The following PLCH1 variants were observed in gnomAD, a reference collection of about 807,000 sequenced individuals.
PLCH1 encodes the protein 1-phosphatidylinositol 4,5-bisphosphate phosphodiesterase eta-1.
Under a neutral mutation model 126.7 loss-of-function variants are expected in PLCH1, and 60 were observed. The observed-to-expected ratio is 0.47, with a 90% CI of 0.38 to 0.59. The LOEUF is 0.59. Ranked by LOEUF, PLCH1 falls within the 20% of genes least tolerant of loss-of-function variation. The probability of loss-of-function intolerance (pLI) is 0.00; values close to 1 mark genes in which losing one functional copy is unlikely to be tolerated. For missense variants in PLCH1, 1,723 were observed against 2,040.0 expected (o/e 0.84, Z 2.99); for synonymous variants, 719 against 734.9 (o/e 0.98, Z 0.35).
intron 2 of PLCH1, among the ~76,000 whole-genome samples, chr3:155,606,509 A>G (rs757857376): frequency 6.6e-6 from 1 of 152,242 alleles, no homozygotes; most frequent in Non-Finnish European, 1.5e-5. Flanking sequence ...ATATACTTTT[A>G]GAGATATAGT....
At chr3:155,616,186 TA>T (rs1468341513) in intron 2 of PLCH1, among the ~76,000 whole-genome samples, 1 of 152,174 alleles carries the variant, frequency 6.6e-6, no homozygotes, top group Non-Finnish European at 1.5e-5. Context: ...ACACTAAAAA[TA>T]AAAATCATGC....
intron 12 of PLCH1, among the ~76,000 whole-genome samples, chr3:155,511,886 C>T (rs377058922): frequency 5.3e-5 from 8 of 152,222 alleles, no homozygotes; most frequent in South Asian, 2.1e-4. Flanking sequence ...CCACCCAGTT[C>T]GAGCTTCCAG....
chr3:155,460,832 A>AGATG (rs1560028449), intron 21 of PLCH1, among the ~76,000 whole-genome samples: 1 of 150,356 alleles, frequency 6.7e-6, no homozygotes, highest in East Asian at 2.0e-4. Flanking sequence ...ATAGATAGAT[A>AGATG]GATAGATAGA....
At chr3:155,701,654 C>T (rs1240645156) in intron 2 of PLCH1, among the ~76,000 whole-genome samples, 1 of 152,022 alleles carries the variant, frequency 6.6e-6, no homozygotes, top group African/African-American at 2.4e-5. Context: ...TTCAAGAAGC[C>T]CAAGAGAAAT....
chr3:155,744,019 A>T (rs377284558), intron 1 of PLCH1, among the ~76,000 whole-genome samples: 3 of 150,152 alleles, frequency 2.0e-5, no homozygotes, highest in African/African-American at 4.9e-5. Context: ...TTTTTTTTTT[A>T]ATTTAGTTGG....
chr3:155,502,614 A>C lies in PLCH1; in HGVS notation c.1705-1820T>G, dbSNP rs143477416. 2.8e-3 allele frequency among the ~76,000 whole-genome samples: 420 copies of C among 152,364 alleles called. 1 individual carries two copies. Among genetic ancestry groups the C allele is most frequent in the South Asian group, 0.015 (72 of 4,830 alleles). ...TAAAATGCAAAAATTAGAAATAAGA[A>C]ATGAATCACCAATGACAGATAACAT... On this transcript the variant is annotated intron_variant, in intron 13 of 22. Transcript: ENST00000460012.
intron 8 of PLCH1, among the ~76,000 whole-genome samples, chr3:155,562,968 G>A (rs1727831465): frequency 6.6e-6 from 1 of 152,060 alleles, no homozygotes; most frequent in Non-Finnish European, 1.5e-5. Context: ...ACATAGCAAA[G>A]GCCACCAACA....
intron 2 of PLCH1, chr3:155,658,669 A>T (rs915333447): frequency 6.6e-6 from 1 of 152,232 alleles, no homozygotes; most frequent in Non-Finnish European, 1.5e-5. Context: ...AATATTCCTT[A>T]AAAAATAAAA....
At chr3:155,543,851 C>T (rs2108408435) in intron 10 of PLCH1, among the ~76,000 whole-genome samples, 1 of 151,662 alleles carries the variant, frequency 6.6e-6, no homozygotes, top group East Asian at 1.9e-4. Context: ...GAGATTTTGT[C>T]ACCACCAGGC....
chr3:155,729,924 CAAAA>C (rs11380418), intron 1 of PLCH1, among the ~76,000 whole-genome samples: 2 of 116,364 alleles, frequency 1.7e-5, no homozygotes, highest in African/African-American at 2.9e-5. Context: ...GACTCCATCT[CAAAA>C]AAAAAAAAAA....
chr3:155,714,765 C>G (rs1747385581), intron 1 of PLCH1, among the ~76,000 whole-genome samples: 2 of 152,310 alleles, frequency 1.3e-5, no homozygotes, highest in South Asian at 4.1e-4. Context: ...GAGTCCTCTT[C>G]TGTTTTTTAT....
intron 1 of PLCH1, among the ~76,000 whole-genome samples, chr3:155,707,692 T>C (rs772868851): frequency 6.6e-6 from 1 of 151,180 alleles, no homozygotes; most frequent in Non-Finnish European, 1.5e-5. Context: ...AGATAATAGA[T>C]AATTATTATT....
At chr3:155,604,029 G>T (rs150330426) in intron 2 of PLCH1, among the ~76,000 whole-genome samples, 4 of 152,248 alleles carry the variant, frequency 2.6e-5, no homozygotes, top group African/African-American at 9.6e-5. Flanking sequence ...AGCCCAGGAG[G>T]TTGAGGCTGC....
chr3:155,635,138 A>AT (rs1275737818), intron 2 of PLCH1, among the ~76,000 whole-genome samples: 1 of 109,014 alleles, frequency 9.2e-6, no homozygotes, highest in Non-Finnish European at 1.7e-5. Flanking sequence ...TCATTTCTTA[A>AT]TTAAAAAAAA....
chr3:155,578,248 C>G (rs1299171078), intron 6 of PLCH1, among the ~76,000 whole-genome samples: 1 of 152,138 alleles, frequency 6.6e-6, no homozygotes, highest in African/African-American at 2.4e-5. Context: ...TGTCTTACGG[C>G]TAACATTGTT....
chr3:155,636,381 G>GAT (rs1738722588), intron 2 of PLCH1, among the ~76,000 whole-genome samples: 1 of 152,132 alleles, frequency 6.6e-6, no homozygotes, highest in South Asian at 2.1e-4. Context: ...TTTAAATCAA[G>GAT]ATATCATTTT....
At chr3:155,478,407 C>G (rs1250826521), downstream of PLCH1, among the ~76,000 whole-genome samples, 1 of 151,936 alleles carries the variant, frequency 6.6e-6, no homozygotes, top group Admixed American at 6.6e-5. Flanking sequence ...TTGGATTGTT[C>G]GTAAGTCAAT....
At chr3:155,648,086 CAG>C (rs2108883206) in intron 2 of PLCH1, among the ~76,000 whole-genome samples, 1 of 152,294 alleles carries the variant, frequency 6.6e-6, no homozygotes, top group South Asian at 2.1e-4. Context: ...TTGGATCAAA[CAG>C]GGGAGAAAAG....
At chr3:155,502,481 A>G (rs1028421446) in intron 13 of PLCH1, among the ~76,000 whole-genome samples, 2 of 152,226 alleles carry the variant, frequency 1.3e-5, no homozygotes, top group Admixed American at 1.3e-4. Flanking sequence ...AGACTATTTT[A>G]ATTGTAATGA....
Sources: allele counts gnomAD v4.1 joint callset (sites outside exome capture counted in the v4.1 genomes callset), GRCh38; gene constraint gnomAD v4.1.1; transcripts MANE v1.5; gene names NCBI Gene and HGNC (gene_info 2026-07-23, HGNC 2026-07-21).